ITGA11: variants seen among roughly 807,000 people sequenced by gnomAD.
The protein encoded by ITGA11 is integrin subunit alpha 11.
In ITGA11, 97 loss-of-function variants were observed where a neutral mutation model predicts 141.9. That is an observed-to-expected ratio of 0.68 (90% CI 0.58 to 0.81). The LOEUF (loss-of-function observed/expected upper bound fraction) is 0.81. ITGA11 is among the 30% of genes least tolerant of loss of function. ITGA11 has a pLI of 0.00. For missense variants in ITGA11, 1,387 were observed against 1,559.2 expected (o/e 0.89, Z 1.86); for synonymous variants, 658 against 624.6 (o/e 1.05, Z -0.80).
chr15:68,348,232 G>A (rs1267297957), intron 10 of ITGA11, among the ~76,000 whole-genome samples: 2 of 152,138 alleles, frequency 1.3e-5, no homozygotes, highest in East Asian at 3.9e-4. Context: ...CTCCCTCTGT[G>A]GGCCAGCCCC....
rs1164325590 is a variant in ITGA11, at chr15:68,300,728, G to A, written c.*2331C>T. The A allele has an allele frequency of 6.7e-6, 1 of 149,398 alleles. No homozygotes were observed. Among genetic ancestry groups the A allele is most frequent in the Non-Finnish European group, 1.5e-5 (1 of 66,842 alleles). 9.3% of individuals were successfully genotyped at this position (149,398 alleles called of 1,614,324 possible). A position where few individuals can be genotyped will look rare whatever the true frequency, so the allele number is the denominator to read the frequency against. Reference sequence around the variant, plus strand: ...TCTGGGGAAGGGTGTGAAGGACTGTGGAGTTCTGGAATAAGGGCTGCTTGC... The same window carrying A: ...TCTGGGGAAGGGTGTGAAGGACTGTAGAGTTCTGGAATAAGGGCTGCTTGC... On this transcript the variant is annotated 3_prime_UTR_variant, in exon 30 of 30. Coordinates refer to ENST00000315757, the MANE Select transcript of ITGA11 (RefSeq NM_001004439.2).
Position 68,328,403 on chromosome 15 carries a change from G to A in ITGA11, c.1902-141C>T, listed in dbSNP as rs1172037167. ...GTGAGGTGGAGGATGGAGGGGGCGA[G>A]GTGGAGGATGGAGGGGGCTTCGGAT... On this transcript the variant is annotated intron_variant, in intron 15 of 29. Transcript: ENST00000315757. The surrounding 1 kb of genome is among the most constrained non-coding windows in gnomAD (Gnocchi z 4.8). 1 of 678,868 alleles carries A rather than the reference G, an allele frequency of 1.5e-6. No homozygotes were observed. The highest frequency in any genetic ancestry group is 3.0e-5 in the Admixed American group (1 of 33,688). The allele number at this position is 678,868 out of a possible 1,614,324, so 42.1% of individuals were successfully genotyped here. A position where few individuals can be genotyped will look rare whatever the true frequency, so the allele number is the denominator to read the frequency against.
chr15:68,317,428 C>T (rs371584491), intron 20 of ITGA11, 65 bp from the exon 21 acceptor site: 9 of 1,115,948 alleles, frequency 8.1e-6, no homozygotes, highest in African/African-American at 3.1e-5. Flanking sequence ...TCTCGAGGCT[C>T]CCTCACCCCC....
intron 2 of ITGA11, among the ~76,000 whole-genome samples, chr15:68,376,875 G>C (rs577207077): frequency 2.6e-5 from 4 of 152,348 alleles, no homozygotes; most frequent in African/African-American, 9.6e-5. Context: ...ACCTCCAGAA[G>C]GTTCTGACTC....
chr15:68,365,757 G>T (rs1895402817), intron 3 of ITGA11, among the ~76,000 whole-genome samples: 1 of 150,630 alleles, frequency 6.6e-6, no homozygotes, highest in African/African-American at 2.5e-5. Context: ...TTTTTTTGAG[G>T]CAGGGTCTCA....
chr15:68,313,281 CA>C (rs1220398669), intron 23 of ITGA11, among the ~76,000 whole-genome samples: 2 of 149,738 alleles, frequency 1.3e-5, no homozygotes, highest in Non-Finnish European at 3.0e-5. Context: ...TCTCAGAGGA[CA>C]GGGGCTGTTT....
At chr15:68,382,414 T>TA (rs960422876) in intron 2 of ITGA11, among the ~76,000 whole-genome samples, 28 of 151,976 alleles carry the variant, frequency 1.8e-4, no homozygotes, top group African/African-American at 5.1e-4. Flanking sequence ...CAAGGAAAAT[T>TA]AAAAAAAATA....
chr15:68,389,184 C>T (rs539139177), intron 2 of ITGA11, among the ~76,000 whole-genome samples: 2 of 152,220 alleles, frequency 1.3e-5, no homozygotes, highest in Admixed American at 1.3e-4. Context: ...CCTCCACCCC[C>T]ACAGCCTCAT....
At chr15:68,384,623 C>G (rs1195386119) in intron 2 of ITGA11, among the ~76,000 whole-genome samples, 2 of 152,200 alleles carry the variant, frequency 1.3e-5, no homozygotes, top group African/African-American at 2.4e-5. Flanking sequence ...TACAGTTTTT[C>G]CTCTCTCCCT....
rs981790592 is a variant in ITGA11 at position 68,327,991 on chromosome 15, T to C, written c.2068+105A>G. ...CATCCAAGGTGGCTCTTGGGCGACC[T>C]GGCACTTAGCACCCATTTTGGGAAA... On this transcript the variant is annotated intron_variant, in intron 16 of 29. Coordinates refer to ENST00000315757, the MANE Select transcript of ITGA11 (RefSeq NM_001004439.2). The C allele has an allele frequency of 6.8e-6, 8 of 1,176,162 alleles. No individual in the cohort carries two copies. In the African/African-American group the frequency reaches 7.7e-5, roughly 11 times the overall value. 72.9% of individuals were successfully genotyped at this position (1,176,162 alleles called of 1,614,324 possible). A position where few individuals can be genotyped will look rare whatever the true frequency, so the allele number is the denominator to read the frequency against.
intron 1 of ITGA11, among the ~76,000 whole-genome samples, chr15:68,410,909 A>C (rs1896758067): frequency 6.6e-6 from 1 of 152,230 alleles, no homozygotes; most frequent in African/African-American, 2.4e-5. Flanking sequence ...GGGGAGAAGC[A>C]GGGATACTGC....
At chr15:68,415,159 G>T (rs1286586712) in intron 1 of ITGA11, among the ~76,000 whole-genome samples, 1 of 152,168 alleles carries the variant, frequency 6.6e-6, no homozygotes, top group Non-Finnish European at 1.5e-5. Context: ...TCTTCTGAAG[G>T]AAGCGCTATG....
intron 2 of ITGA11, among the ~76,000 whole-genome samples, chr15:68,401,294 C>A (rs1167421472): frequency 6.6e-6 from 1 of 152,024 alleles, no homozygotes; most frequent in Non-Finnish European, 1.5e-5. Flanking sequence ...AAACAAATGC[C>A]TGGCAGGTCC....
chr15:68,343,980 C>G (rs79000774), intron 10 of ITGA11, among the ~76,000 whole-genome samples: 5 of 152,090 alleles, frequency 3.3e-5, no homozygotes, highest in African/African-American at 7.2e-5. Flanking sequence ...GAAGGGGCCG[C>G]GGGGACCTGG....
At chr15:68,400,630 AATATT>A (rs1896452363) in intron 2 of ITGA11, among the ~76,000 whole-genome samples, 2 of 73,754 alleles carry the variant, frequency 2.7e-5, no homozygotes, top group South Asian at 6.1e-4. Flanking sequence ...TTATATAATA[AATATT>A]ATAATATTAT....
rs1222301733 is a variant in ITGA11 at position 68,328,181 on chromosome 15, G to C, written c.1983C>G (p.Arg661=). The C allele has an allele frequency of 6.2e-7, 1 of 1,614,002 alleles. No homozygotes were observed. Among genetic ancestry groups the C allele is most frequent in the African/African-American group, 1.3e-5 (1 of 75,078 alleles). ...CCAGGCAGGTGGCATCCCTGCCACT[G>C]CGCTTGCAGTCTCTGTGGAAGATGT... is the stretch of plus-strand genomic sequence containing the variant. ...KINIFHRDCK[R]SGRDATCLAA... Residue 661 remains arginine (R), a synonymous_variant, in exon 16 of 30, where the codon CGC becomes CGG. Coordinates refer to ENST00000315757, the MANE Select transcript of ITGA11 (RefSeq NM_001004439.2). This position sits in a 1 kb window ranked among gnomAD's most constrained non-coding sequence, Gnocchi z 4.8.
At chr15:68,409,586 G>A (rs1444280868) in intron 1 of ITGA11, among the ~76,000 whole-genome samples, 1 of 151,662 alleles carries the variant, frequency 6.6e-6, no homozygotes, top group East Asian at 1.9e-4. Context: ...TGATTAGGTA[G>A]GTACTGATAG....
chr15:68,347,546 A>C (rs774599074), intron 10 of ITGA11, among the ~76,000 whole-genome samples: 1 of 152,156 alleles, frequency 6.6e-6, no homozygotes, highest in Non-Finnish European at 1.5e-5. Flanking sequence ...GAAAAGTCTG[A>C]GTGTGAGTGG....
chr15:68,431,081 C>T (rs138394551), intron 1 of ITGA11, among the ~76,000 whole-genome samples: 44 of 152,350 alleles, frequency 2.9e-4, no homozygotes, highest in Admixed American at 1.6e-3. Flanking sequence ...AGCACTTGGC[C>T]GTCTTCCGCA....
Sources: allele counts gnomAD v4.1 joint callset (sites outside exome capture counted in the v4.1 genomes callset), GRCh38; gene constraint gnomAD v4.1.1; non-coding constraint Gnocchi (gnomAD v3.1); transcripts MANE v1.5; gene names NCBI Gene and HGNC (gene_info 2026-07-23, HGNC 2026-07-21).